NPFFR2: variants seen among roughly 807,000 people sequenced by gnomAD.
NPFFR2 encodes the protein neuropeptide FF receptor 2.
In NPFFR2, 15 loss-of-function variants were observed where a neutral mutation model predicts 13.1. The observed-to-expected ratio is 1.15, with a 90% confidence interval of 0.77 to 1.76. The LOEUF (loss-of-function observed/expected upper bound fraction) is 1.76. Among genes scored for constraint, NPFFR2 ranks in the 40% most tolerant of loss-of-function variants. The probability of loss-of-function intolerance (pLI) is 0.00; values close to 1 mark genes in which losing one functional copy is unlikely to be tolerated. For missense variants in NPFFR2, 572 were observed against 503.5 expected (o/e 1.14, Z -1.30); for synonymous variants, 190 against 175.7 (o/e 1.08, Z -0.65).
intron 2 of NPFFR2, among the ~76,000 whole-genome samples, chr4:72,132,655 C>T (rs1722285935): frequency 6.6e-6 from 1 of 152,186 alleles, no homozygotes; most frequent in African/African-American, 2.4e-5. Context: ...ATTTTGCCAA[C>T]ATCTGTTACT....
At chr4:72,073,392 C>G (rs1374967852) in intron 1 of NPFFR2, among the ~76,000 whole-genome samples, 2 of 151,918 alleles carry the variant, frequency 1.3e-5, no homozygotes, top group African/African-American at 4.8e-5. Context: ...AAAAGCTTAC[C>G]ACTAGAACTG....
Position 72,052,616 on chromosome 4 carries a change from A to T in NPFFR2, c.-8+20416A>T, listed in dbSNP as rs1261222887. Among the ~76,000 whole-genome samples the T allele has an allele frequency of 3.3e-5, 5 of 152,010 alleles. No individual in the cohort carries two copies. The East Asian group carries it at 9.7e-4, about 29-fold the overall frequency. ...AGGGATGCCTTCTCACACCACTCCT[A>T]TTCTTTGAGATATTTTGAAAAGGCC... is the stretch of plus-strand genomic sequence containing the variant. On this transcript the variant is annotated intron_variant, in intron 1 of 3. Transcript: ENST00000308744.
intron 1 of NPFFR2, among the ~76,000 whole-genome samples, chr4:72,070,435 T>C (rs2109783096): frequency 6.6e-6 from 1 of 152,120 alleles, no homozygotes. Flanking sequence ...GAGGGTCACA[T>C]ACATTTTTTT....
intron 1 of NPFFR2, among the ~76,000 whole-genome samples, chr4:72,102,962 G>T (rs1190245888): frequency 6.6e-6 from 1 of 152,058 alleles, no homozygotes; most frequent in Admixed American, 6.6e-5. Flanking sequence ...GTTCCACAAT[G>T]GTTGAACTAG....
intron 1 of NPFFR2, among the ~76,000 whole-genome samples, chr4:72,055,967 GA>G (rs572905246): frequency 2.1e-3 from 319 of 151,898 alleles, no homozygotes; most frequent in Non-Finnish European, 3.7e-3. Context: ...GAGATTCAAG[GA>G]AAAAAATTCT....
intron 1 of NPFFR2, among the ~76,000 whole-genome samples, chr4:72,058,511 G>A (rs1719829139): frequency 6.6e-6 from 1 of 151,914 alleles, no homozygotes; most frequent in South Asian, 2.1e-4. Context: ...ATATAAGCTG[G>A]TCCCTGGCAA....
Position 72,076,102 on chromosome 4 carries a change from G to A in NPFFR2, c.-8+43902G>A, listed in dbSNP as rs116763269. On this transcript the variant is annotated intron_variant, in intron 1 of 3. Coordinates refer to ENST00000308744, the MANE Select transcript of NPFFR2 (RefSeq NM_004885.3). ...TAACAAAGGACCGGTAAGGCTAGAC[G>A]GCATAGATAGTGGAGATAAGTCTAG... Among the ~76,000 whole-genome samples, 1,077 of 151,518 alleles carry A rather than the reference G, an allele frequency of 7.1e-3. 11 individuals are homozygous for A. Among genetic ancestry groups the A allele is most frequent in the African/African-American group, 0.025 (1,014 of 41,322 alleles).
chr4:72,068,939 T>C, intron 1 of NPFFR2: 5 of 1,397,128 alleles, frequency 3.6e-6, no homozygotes, highest in Non-Finnish European at 1.9e-6. Context: ...AATTAGGATG[T>C]TAATTATAGC....
intron 1 of NPFFR2, among the ~76,000 whole-genome samples, chr4:72,124,602 G>A (rs933478737): frequency 6.6e-6 from 1 of 152,000 alleles, no homozygotes; most frequent in Non-Finnish European, 1.5e-5. Context: ...CAGAATAGAG[G>A]CCTCAGAAAT....
chr4:72,107,301 GC>G (rs906629975), intron 1 of NPFFR2, among the ~76,000 whole-genome samples: 2 of 150,034 alleles, frequency 1.3e-5, no homozygotes, highest in African/African-American at 4.9e-5. Flanking sequence ...TAAATATAAG[GC>G]ACACTAGATT....
chr4:72,085,754 A>G (rs561263884), intron 1 of NPFFR2, among the ~76,000 whole-genome samples: 2 of 152,280 alleles, frequency 1.3e-5, no homozygotes, highest in East Asian at 3.9e-4. Context: ...TACACTGACT[A>G]CATTTCCATC....
At chr4:72,124,969 A>T (rs770882550) in intron 1 of NPFFR2, among the ~76,000 whole-genome samples, 1 of 152,222 alleles carries the variant, frequency 6.6e-6, no homozygotes, top group Non-Finnish European at 1.5e-5. Flanking sequence ...AGAAACTATC[A>T]TCAGAGTGAA....
intron 1 of NPFFR2, among the ~76,000 whole-genome samples, chr4:72,071,664 T>C (rs918930015): frequency 6.6e-6 from 1 of 152,158 alleles, no homozygotes; most frequent in African/African-American, 2.4e-5. Context: ...GTACCTGGAA[T>C]AGCTTGAACA....
intron 1 of NPFFR2, among the ~76,000 whole-genome samples, chr4:72,101,409 C>A (rs1405398059): frequency 6.6e-6 from 1 of 151,384 alleles, no homozygotes; most frequent in Non-Finnish European, 1.5e-5. Flanking sequence ...TTTTTTCTCT[C>A]AAGGTATTAA....
intron 1 of NPFFR2, among the ~76,000 whole-genome samples, chr4:72,093,255 C>T (rs1387313912): frequency 6.6e-6 from 1 of 152,266 alleles, no homozygotes; most frequent in African/African-American, 2.4e-5. Flanking sequence ...CCTCACAGCT[C>T]TTAAGATTCT....
At position 72,100,154 on chromosome 4, in the gene NPFFR2, G is replaced by C. The variant is rs1414375604; in HGVS notation, c.-7-28431G>C. Among the ~76,000 whole-genome samples the C allele has an allele frequency of 2.6e-5, 4 of 152,048 alleles. No homozygotes were observed. The South Asian group carries it at 6.2e-4, about 24-fold the overall frequency. On this transcript the variant is annotated intron_variant, in intron 1 of 3. Coordinates refer to ENST00000308744, the MANE Select transcript of NPFFR2 (RefSeq NM_004885.3). ...ATTATTAATCATTTTTCATTCTAAA[G>C]ATGACTATAAGAAGTACAAGAAAAA... is the stretch of plus-strand genomic sequence containing the variant.
At chr4:72,132,331 A>G (rs779564922) in intron 2 of NPFFR2, among the ~76,000 whole-genome samples, 17 of 152,208 alleles carry the variant, frequency 1.1e-4, no homozygotes, top group Non-Finnish European at 2.4e-4. Flanking sequence ...ACATGAGCTC[A>G]TTCTTTCTTA....
chr4:72,086,539 A>G (rs1720776651), intron 1 of NPFFR2, among the ~76,000 whole-genome samples: 1 of 152,144 alleles, frequency 6.6e-6, no homozygotes, highest in South Asian at 2.1e-4. Flanking sequence ...TTTAGTTATT[A>G]AATATGTAAT....
intron 3 of NPFFR2, among the ~76,000 whole-genome samples, chr4:72,142,442 G>A (rs1176506916): frequency 6.6e-6 from 1 of 152,066 alleles, no homozygotes; most frequent in Non-Finnish European, 1.5e-5. Context: ...TGCACCCACT[G>A]TCCAACCAGT....
Sources: allele counts gnomAD v4.1 joint callset (sites outside exome capture counted in the v4.1 genomes callset), GRCh38; gene constraint gnomAD v4.1.1; transcripts MANE v1.5; gene names NCBI Gene and HGNC (gene_info 2026-07-23, HGNC 2026-07-21).